The following FLT3 variants were observed in gnomAD, a reference collection of about 807,000 sequenced individuals.
FLT3 encodes the protein receptor-type tyrosine-protein kinase FLT3.
FLT3 carries 46 observed loss-of-function variants against 126.6 expected under a neutral mutation model. That is an observed-to-expected ratio of 0.36 (90% CI 0.29 to 0.46). The LOEUF (loss-of-function observed/expected upper bound fraction) is 0.46, where lower values mean the gene tolerates loss of function less well. Ranked by LOEUF, FLT3 falls within the 20% of genes least tolerant of loss-of-function variation. FLT3 has a pLI of 1.00. For synonymous variants in FLT3, 404 were observed against 434.4 expected (o/e 0.93, Z 0.87); for missense variants, 1,069 against 1,190.3 (o/e 0.90, Z 1.50).
chr13:28,079,835 G>A (rs4771217), intron 1 of FLT3, among the ~76,000 whole-genome samples: 25,900 of 152,092 alleles, frequency 0.17, 2,408 homozygotes, highest in Middle Eastern at 0.27. Context: ...AATTCAAGTT[G>A]AGATTTGGGT....
At chr13:28,057,302 A>G (rs1876099317) in intron 4 of FLT3, 45 bp downstream of exon 4, 2 of 860,146 alleles carry the variant, frequency 2.3e-6, no homozygotes, top group Non-Finnish European at 4.1e-6. Context: ...CCTTTGAAAT[A>G]TTGTGGTATT....
intron 15 of FLT3, among the ~76,000 whole-genome samples, chr13:28,033,509 A>G (rs988679158): frequency 3.3e-5 from 5 of 152,018 alleles, no homozygotes; most frequent in African/African-American, 1.2e-4. Flanking sequence ...ACCAAAAATA[A>G]AAAACTTAGC....
chr13:28,027,961 A>G (rs945754355), intron 16 of FLT3, among the ~76,000 whole-genome samples: 26 of 152,232 alleles, frequency 1.7e-4, no homozygotes, highest in African/African-American at 5.8e-4. Context: ...ATTATGCAAT[A>G]TATCACGATA....
chr13:28,015,085 G>C, intron 22 of FLT3, 72 bp downstream of exon 22: 1 of 891,668 alleles, frequency 1.1e-6, no homozygotes, highest in Non-Finnish European at 1.8e-6. Context: ...GACTTTTTTT[G>C]GTCATGCATT....
At chr13:28,011,781 CTCTT>C (rs1161263294) in intron 23 of FLT3, among the ~76,000 whole-genome samples, 2 of 138,402 alleles carry the variant, frequency 1.4e-5, no homozygotes, top group African/African-American at 2.7e-5. Flanking sequence ...CCTTCTTTCT[CTCTT>C]TCTTTCTCTT....
At chr13:28,045,954 A>AAAAT in intron 9 of FLT3, among the ~76,000 whole-genome samples, 1 of 142,784 alleles carries the variant, frequency 7.0e-6, no homozygotes, top group Middle Eastern at 3.5e-3. Flanking sequence ...AAAAAAAAAA[A>AAAAT]TGCCAGGGGT....
At chr13:28,091,207 CTTTTTTT>C (rs572410744) in intron 1 of FLT3, among the ~76,000 whole-genome samples, 13 of 36,576 alleles carry the variant, frequency 3.6e-4, no homozygotes, top group African/African-American at 4.5e-4. Flanking sequence ...GCCCCATTTT[CTTTTTTT>C]TTTTTTTTTT....
At chr13:28,091,794 G>A (rs938135036) in intron 1 of FLT3, among the ~76,000 whole-genome samples, 7 of 152,054 alleles carry the variant, frequency 4.6e-5, no homozygotes, top group Non-Finnish European at 8.8e-5. Flanking sequence ...TAGGCCAGGC[G>A]TGGCCAGGAT....
At chr13:28,084,200 C>T (rs1484150557) in intron 1 of FLT3, among the ~76,000 whole-genome samples, 1 of 151,802 alleles carries the variant, frequency 6.6e-6, no homozygotes, top group Admixed American at 6.6e-5. Flanking sequence ...GCTATGTTAC[C>T]CAGGCTGGTC....
At chr13:28,065,462 T>C (rs1876929408) in intron 2 of FLT3, among the ~76,000 whole-genome samples, 1 of 151,792 alleles carries the variant, frequency 6.6e-6, no homozygotes, top group African/African-American at 2.4e-5. Context: ...GGCAACAAAA[T>C]GAGACCCCAT....
chr13:28,053,767 A>T (rs199989020), intron 4 of FLT3, among the ~76,000 whole-genome samples: 128 of 149,100 alleles, frequency 8.6e-4, no homozygotes, highest in South Asian at 6.1e-3. Flanking sequence ...TACTTTATTC[A>T]TTTTTTTTTT....
chr13:28,015,704 G>A lies in FLT3; in HGVS notation c.2542-3C>T, dbSNP rs753260826. On this transcript the variant is annotated splice_polypyrimidine_tract_variant and splice_region_variant and intron_variant, in intron 20 of 23. Transcript: ENST00000241453. ...ATCCATTTTACAGGCAGACGGGCCT[G>A]TGGAAAACCCAGAGGAGATAAGATG... The A allele has an allele frequency of 5.5e-5, 88 of 1,586,502 alleles. No homozygotes were observed. The highest frequency in any genetic ancestry group is 7.2e-5 in the Non-Finnish European group (83 of 1,155,460).
chr13:28,033,986 C>A lies in FLT3; in HGVS notation c.1843G>T (p.Val615Leu), dbSNP rs1325270750. Residue 615 changes from valine (V) to leucine (L), a missense_variant, in exon 15 of 24, where the codon GTA becomes TTA. Val to Leu is a conservative substitution (Grantham distance 32, BLOSUM62 1). Transcript: ENST00000241453. ...TTTCCAAAAGCACCTGATCCTAGTA[C>A]CTTCCCTGCAAAGACAAATGGTGAG... is the stretch of plus-strand genomic sequence containing the variant. Reference protein sequence around the residue: ...FPRENLEFGKVLGSGAFGKVM... With the variant: ...FPRENLEFGKLLGSGAFGKVM... 1.9e-6 allele frequency: 3 copies of A among 1,614,114 alleles called. No homozygotes were observed. Among genetic ancestry groups the A allele is most frequent in the Non-Finnish European group, 2.5e-6 (3 of 1,179,962 alleles).
At chr13:28,030,551 C>G (rs1186792222) in intron 15 of FLT3, among the ~76,000 whole-genome samples, 1 of 152,066 alleles carries the variant, frequency 6.6e-6, no homozygotes, top group African/African-American at 2.4e-5. Flanking sequence ...TAAGCCATGA[C>G]AATACAGTGC....
At chr13:28,023,025 G>A (rs1275270996) in intron 19 of FLT3, among the ~76,000 whole-genome samples, 1 of 152,216 alleles carries the variant, frequency 6.6e-6, no homozygotes, top group Non-Finnish European at 1.5e-5. Context: ...CTGAACAGCC[G>A]TTCTGAAAGG....
At position 28,067,376 on chromosome 13, in the gene FLT3, A is replaced by G. The variant is rs143082501; in HGVS notation, c.165+3115T>C. On this transcript the variant is annotated intron_variant, in intron 2 of 23. Transcript: ENST00000241453. ...TGGGTACAATCCACAATCTGGATAG[A>G]CAAATCTGCGGGCTTCAGAGGAGAG... Among the ~76,000 whole-genome samples the G allele has an allele frequency of 5.4e-3, 821 of 152,334 alleles. 5 individuals carry two copies. Among genetic ancestry groups the G allele is most frequent in the African/African-American group, 0.018 (763 of 41,580 alleles).
chr13:28,037,584 A>G (rs1873950919), intron 9 of FLT3, among the ~76,000 whole-genome samples: 1 of 152,186 alleles, frequency 6.6e-6, no homozygotes, highest in Non-Finnish European at 1.5e-5. Flanking sequence ...TGTGAGTCAT[A>G]TGCCCATTGG....
chr13:28,010,096 C>G (rs1463205723), intron 23 of FLT3, among the ~76,000 whole-genome samples: 1 of 152,166 alleles, frequency 6.6e-6, no homozygotes, highest in Admixed American at 6.6e-5. Flanking sequence ...TTCCAAACTT[C>G]CTTTTATGCT....
At chr13:28,051,414 T>C (rs1481316109) in intron 5 of FLT3, among the ~76,000 whole-genome samples, 1 of 150,284 alleles carries the variant, frequency 6.7e-6, no homozygotes, top group Admixed American at 6.6e-5. Context: ...TTTTTGTATT[T>C]TTAGTAGAGA....
Sources: allele counts gnomAD v4.1 joint callset (sites outside exome capture counted in the v4.1 genomes callset), GRCh38; gene constraint gnomAD v4.1.1; transcripts MANE v1.5; gene names NCBI Gene and HGNC (gene_info 2026-07-23, HGNC 2026-07-21).